MACROD2: variants seen among roughly 807,000 people sequenced by gnomAD.
MACROD2 encodes the protein mono-ADP ribosylhydrolase 2, also known as ADP-ribose glycohydrolase MACROD2.
MACROD2 carries 36 observed loss-of-function variants against 70.4 expected under a neutral mutation model. The ratio of observed to expected loss-of-function variants is 0.51; its 90% CI spans 0.39 to 0.68. The LOEUF (loss-of-function observed/expected upper bound fraction) is 0.68, where lower values mean the gene tolerates loss of function less well. Ranked by LOEUF, MACROD2 falls within the 30% of genes least tolerant of loss-of-function variation. MACROD2 has a pLI of 0.00. For missense variants in MACROD2, 496 were observed against 538.4 expected (o/e 0.92, Z 0.78); for synonymous variants, 172 against 178.8 (o/e 0.96, Z 0.30).
At position 14,820,667 on chromosome 20, in the gene MACROD2, TA is replaced by T. The variant is rs570943446; in HGVS notation, c.418+135709del. 8.0e-4 allele frequency among the ~76,000 whole-genome samples: 122 copies of T among 152,260 alleles called. 2 individuals carry two copies. In the Middle Eastern group the frequency reaches 0.01, roughly 13 times the overall value. On this transcript the variant is annotated intron_variant, in intron 5 of 17. Coordinates refer to ENST00000684519, the MANE Select transcript of MACROD2 (RefSeq NM_001351661.2). Reference sequence around the variant, plus strand: ...CTTGTATTGTCATTAGCCAGTTAGTTACATTAGTTACCCTTGGGTGTATTGT... The same window carrying T: ...CTTGTATTGTCATTAGCCAGTTAGTTCATTAGTTACCCTTGGGTGTATTGT...
chr20:14,667,263 G>A (rs2070745644), intron 4 of MACROD2, among the ~76,000 whole-genome samples: 1 of 152,058 alleles, frequency 6.6e-6, no homozygotes, highest in Non-Finnish European at 1.5e-5. Context: ...TGCATTGCTA[G>A]CCAGCACTCC....
At chr20:14,804,634 G>C (rs1305219649) in intron 5 of MACROD2, among the ~76,000 whole-genome samples, 3 of 151,952 alleles carry the variant, frequency 2.0e-5, no homozygotes, top group Non-Finnish European at 2.9e-5. Flanking sequence ...GGGCTGTACT[G>C]ACCTGTGGTG....
At chr20:14,252,078 C>T (rs1278390003) in intron 3 of MACROD2, among the ~76,000 whole-genome samples, 1 of 152,000 alleles carries the variant, frequency 6.6e-6, no homozygotes, top group Non-Finnish European at 1.5e-5. Flanking sequence ...GACACACTGC[C>T]TTGGGGAAGA....
intron 6 of MACROD2, among the ~76,000 whole-genome samples, chr20:15,360,052 CCT>C (rs2078333961): frequency 6.6e-6 from 1 of 152,126 alleles, no homozygotes; most frequent in Non-Finnish European, 1.5e-5. Flanking sequence ...ATCTATCTAC[CCT>C]CTCTATAATT....
chr20:14,601,893 CTAAA>C (rs1172180964), intron 4 of MACROD2, among the ~76,000 whole-genome samples: 1 of 152,152 alleles, frequency 6.6e-6, no homozygotes, highest in Non-Finnish European at 1.5e-5. Flanking sequence ...CACCCCCTTC[CTAAA>C]TAGTTAATTT....
At chr20:14,383,388 G>A (rs146900567) in intron 3 of MACROD2, among the ~76,000 whole-genome samples, 282 of 151,390 alleles carry the variant, frequency 1.9e-3, no homozygotes, top group African/African-American at 6.3e-3. Flanking sequence ...TGTGCCTCTT[G>A]TTCCTTCGTG....
At position 14,914,324 on chromosome 20, in the gene MACROD2, G is replaced by T. The variant is rs116375955; in HGVS notation, c.418+229365G>T. Among the ~76,000 whole-genome samples the T allele has an allele frequency of 6.9e-3, 1,051 of 152,226 alleles. 17 individuals carry two copies. The highest frequency in any genetic ancestry group is 0.024 in the African/African-American group (982 of 41,540). ...AGCTGCTCACAGTCTATGTCAATGAGAATTTCCCTCAGGATATTTAGTGTG... is the reference window on the plus strand; with the variant it reads ...AGCTGCTCACAGTCTATGTCAATGATAATTTCCCTCAGGATATTTAGTGTG... On this transcript the variant is annotated intron_variant, in intron 5 of 17. Coordinates refer to ENST00000684519, the MANE Select transcript of MACROD2 (RefSeq NM_001351661.2).
chr20:14,608,318 C>T (rs1467473519), intron 4 of MACROD2, among the ~76,000 whole-genome samples: 1 of 152,026 alleles, frequency 6.6e-6, no homozygotes, highest in Non-Finnish European at 1.5e-5. Flanking sequence ...ATTCTGTTTC[C>T]CCCTACAACT....
chr20:14,093,607 C>T (rs544701509), intron 3 of MACROD2, among the ~76,000 whole-genome samples: 11 of 151,290 alleles, frequency 7.3e-5, no homozygotes, highest in African/African-American at 1.9e-4. Flanking sequence ...TAGCTCTTTA[C>T]GGTTAAACAA....
chr20:15,858,453 G>T (rs527327189), intron 8 of MACROD2, among the ~76,000 whole-genome samples: 1 of 152,196 alleles, frequency 6.6e-6, no homozygotes, highest in South Asian at 2.1e-4. Context: ...CTCACCCACT[G>T]TGACTTCTTT....
chr20:14,547,417 G>C (rs1380382442), intron 4 of MACROD2: 1 of 222,232 alleles, frequency 4.5e-6, no homozygotes, highest in Non-Finnish European at 1.0e-5. Flanking sequence ...CCTTCAGGCA[G>C]ATGTTGTATA....
At chr20:14,507,752 G>A (rs2084985426) in intron 4 of MACROD2, among the ~76,000 whole-genome samples, 1 of 152,136 alleles carries the variant, frequency 6.6e-6, no homozygotes, top group South Asian at 2.1e-4. Context: ...TATGTTGATG[G>A]CCATAAGGAT....
chr20:15,735,815 A>G (rs1254532553), intron 8 of MACROD2, among the ~76,000 whole-genome samples: 1 of 152,224 alleles, frequency 6.6e-6, no homozygotes. Context: ...TTTGCATGAA[A>G]TGAGAAAGTC....
chr20:15,936,688 T>TATATATATATATATATA (rs11473996), intron 11 of MACROD2, among the ~76,000 whole-genome samples: 5 of 150,664 alleles, frequency 3.3e-5, no homozygotes, highest in African/African-American at 9.7e-5. Context: ...TATATATATA[T>TATATATATATATATATA]TCATTTTCCA....
At position 15,166,644 on chromosome 20, in the gene MACROD2, A is replaced by AT. The variant is rs34995582; in HGVS notation, c.419-63289dup. Reference sequence around the variant, plus strand: ...AAGTATAAAATACAACAATCTATGCATTTTTTTAAGAATTTCAAACAAATT... The same window carrying AT: ...AAGTATAAAATACAACAATCTATGCATTTTTTTTAAGAATTTCAAACAAATT... On this transcript the variant is annotated intron_variant, in intron 5 of 17. Transcript: ENST00000684519. Among the ~76,000 whole-genome samples the AT allele has an allele frequency of 2.6e-4, 39 of 152,160 alleles. No individual in the cohort carries two copies. The East Asian group carries it at 4.1e-3, about 16-fold the overall frequency.
At chr20:14,669,190 C>T (rs971431662) in intron 4 of MACROD2, among the ~76,000 whole-genome samples, 1 of 152,082 alleles carries the variant, frequency 6.6e-6, no homozygotes, top group Admixed American at 6.6e-5. Flanking sequence ...TTTGGAGAAA[C>T]GGGCTTCTTG....
chr20:14,479,864 A>C (rs2084642608), intron 3 of MACROD2, among the ~76,000 whole-genome samples: 1 of 152,190 alleles, frequency 6.6e-6, no homozygotes, highest in South Asian at 2.1e-4. Context: ...TTATAGATTT[A>C]TTTACTATAG....
At chr20:14,914,093 C>T (rs544285928) in intron 5 of MACROD2, among the ~76,000 whole-genome samples, 2 of 152,230 alleles carry the variant, frequency 1.3e-5, no homozygotes, top group African/African-American at 4.8e-5. Context: ...TGGTTATTTC[C>T]GTTTCAGCTC....
chr20:14,635,366 T>C (rs1207937398), intron 4 of MACROD2, among the ~76,000 whole-genome samples: 1 of 152,116 alleles, frequency 6.6e-6, no homozygotes, highest in African/African-American at 2.4e-5. Flanking sequence ...GCCAGATTTG[T>C]ACCTAGAAAA....
Sources: allele counts gnomAD v4.1 joint callset (sites outside exome capture counted in the v4.1 genomes callset), GRCh38; gene constraint gnomAD v4.1.1; transcripts MANE v1.5; gene names NCBI Gene and HGNC (gene_info 2026-07-23, HGNC 2026-07-21).